The following DMWD variants were observed in gnomAD, a reference collection of about 807,000 sequenced individuals.
The protein encoded by DMWD is dystrophia myotonica WD repeat-containing protein.
A neutral mutation model predicts 45.8 loss-of-function variants in DMWD; 19 were observed. The ratio of observed to expected loss-of-function variants is 0.41; its 90% confidence interval spans 0.29 to 0.61. The LOEUF (loss-of-function observed/expected upper bound fraction) is 0.61. DMWD is among the 20% of genes least tolerant of loss of function. DMWD has a pLI of 0.25. For synonymous variants in DMWD, 515 were observed against 440.5 expected (o/e 1.17, Z -2.12); for missense variants, 802 against 965.2 (o/e 0.83, Z 2.24).
At chr19:45,785,485 C>T in intron 3 of DMWD, 109 bp downstream of exon 3, 1 of 1,404,916 alleles carries the variant, frequency 7.1e-7, no homozygotes, top group Non-Finnish European at 9.2e-7. Context: ...CCCCTCACCC[C>T]ACGGAGCCAG....
In DMWD at chr19:45,791,065, A is replaced by G; in HGVS notation, c.464T>C (p.Ile155Thr). Residue 155 changes from isoleucine (I) to threonine (T), a missense_variant, in exon 2 of 5, where the codon ATT (isoleucine) becomes ACT (threonine). Physicochemically the swap from Ile to Thr is moderately conservative, Grantham distance 89. Transcript: ENST00000270223. ...GGTGCCCTTGTAGATCCGCTTGTCA[A>G]TTGGCTTGTTGAGGTCAATGGACTT... ...SQRSIDLNKP[I>T]DKRIYKGTQP... is the part of the protein sequence containing the mutation. The G allele has an allele frequency of 6.2e-7, 1 of 1,612,060 alleles. No homozygotes were observed. The highest frequency in any genetic ancestry group is 8.5e-7 in the Non-Finnish European group (1 of 1,178,806).
At position 45,785,682 on chromosome 19, in the gene DMWD, C is replaced by T. The variant is rs755420525; in HGVS notation, c.1814G>A (p.Arg605Gln). ...CTCCAGGAACAGGAGGACTGTGAGC[C>T]GCTCCTGGGCGATCTTCTTGCACAC... ...PLVCKKIAQERLTVLLFLEDC... is the reference protein window; with the variant it reads ...PLVCKKIAQEQLTVLLFLEDC... Residue 605 changes from arginine to glutamine, a missense_variant, in exon 3 of 5, where the codon CGG (arginine) becomes CAG (glutamine). Physicochemically the swap from Arg to Gln is conservative, Grantham distance 43. Transcript: ENST00000270223. 1.6e-5 allele frequency: 25 copies of T among 1,595,432 alleles called. No individual in the cohort carries two copies. The Admixed American group carries it at 2.9e-4, about 18-fold the overall frequency.
intron 3 of DMWD, 75 bp downstream of exon 3, chr19:45,785,517 CCT>C (rs747793318): frequency 1.8e-5 from 26 of 1,423,844 alleles, no homozygotes; most frequent in Non-Finnish European, 2.2e-5. Flanking sequence ...GCAACAAAGC[CCT>C]CTCTCTGCCA....
chr19:45,786,528 T>A lies in DMWD; in HGVS notation c.968A>T (p.Lys323Met), dbSNP rs760014095. The change falls in exon 3 of 5, where the codon AAG becomes ATG. Residue 323 changes from lysine (K) to methionine (M), a missense_variant. Around this residue, in one of 9 missense-constraint regions of DMWD, gnomAD observed 146 missense variants for 212.8 expected, o/e 0.69. Transcript: ENST00000270223. ...FDSMLLRGLM[K>M]SYFGGLLCVC... ...ACACAGCAGGCCCCCAAAGTAGCTC[T>A]TCATGAGCCCACGCAGGAGCATGGA... 6.2e-7 allele frequency: 1 copy of A among 1,614,028 alleles called. No homozygotes were observed. The highest frequency in any genetic ancestry group is 1.1e-5 in the South Asian group (1 of 91,086).
rs1388870958 is a variant in DMWD at position 45,783,628 on chromosome 19, G to A, written c.*615C>T. The A allele has an allele frequency of 1.0e-5, 4 of 399,138 alleles. No homozygotes were observed. Among genetic ancestry groups the A allele is most frequent in the Non-Finnish European group, 1.8e-5 (4 of 226,504 alleles). 24.7% of individuals were successfully genotyped at this position (399,138 alleles called of 1,614,324 possible). Reference sequence around the variant, plus strand: ...AAAGGGGTGGGAGGCGCTGGGCTGGGAGCAGGCCTGCACTCCTCCTCTGGG... The same window carrying A: ...AAAGGGGTGGGAGGCGCTGGGCTGGAAGCAGGCCTGCACTCCTCCTCTGGG... On this transcript the variant is annotated 3_prime_UTR_variant, in exon 5 of 5. Transcript: ENST00000270223.
chr19:45,786,307 T>C lies in DMWD; in HGVS notation c.1189A>G (p.Ser397Gly). The change falls in exon 3 of 5, where the codon AGC becomes GGC. Residue 397 changes from serine (S) to glycine (G), a missense_variant. This residue lies in a region of DMWD where 67 missense variants were observed against 57.9 expected (regional missense o/e 1.16). Coordinates refer to ENST00000270223, the MANE Select transcript of DMWD (RefSeq NM_004943.2). ...GGCTCCTCCTCCTCCTCTTCGCCGC[T>C]CCGCTCCCCATCAGCACCGGCTGCT... is the stretch of plus-strand genomic sequence containing the variant. ...ATAAGADGER[S>G]GEEEEEEPEA... 1 of 1,606,456 alleles carries C rather than the reference T, an allele frequency of 6.2e-7. No individual in the cohort carries two copies. Among genetic ancestry groups the C allele is most frequent in the Non-Finnish European group, 8.5e-7 (1 of 1,175,004 alleles).
At position 45,783,382 on chromosome 19, in the gene DMWD, G is replaced by A; in HGVS notation, c.*861C>T. On this transcript the variant is annotated 3_prime_UTR_variant, in exon 5 of 5. Transcript: ENST00000270223. ...GAGAGGGCCAGGCCTGAGAAACTAG[G>A]AGGCAAGGACCGAGGAGTCCCAGCT... is the stretch of plus-strand genomic sequence containing the variant. 5.1e-6 allele frequency: 2 copies of A among 392,478 alleles called. No homozygotes were observed. The highest frequency in any genetic ancestry group is 9.0e-6 in the Non-Finnish European group (2 of 222,622). 24.3% of individuals were successfully genotyped at this position (392,478 alleles called of 1,614,324 possible).
intron 2 of DMWD, 45 bp downstream of exon 2, chr19:45,790,860 A>G: frequency 6.4e-7 from 1 of 1,566,430 alleles, no homozygotes. Context: ...TATAGTGGGT[A>G]GGTGAGAAGG....
rs746655884 is a variant in DMWD at position 45,786,093 on chromosome 19, G to A, written c.1403C>T (p.Thr468Ile). Residue 468 changes from threonine to isoleucine, a missense_variant, in exon 3 of 5, where the codon ACC becomes ATC. Around this residue, in one of 9 missense-constraint regions of DMWD, gnomAD observed 303 missense variants for 332.9 expected, o/e 0.91. Transcript: ENST00000270223. ...CGAGCTGCTGGCGGCCGGTGGCGTG[G>A]TGCCAGGTGTGCCAGGGAGGGTGCG... Reference protein sequence around the residue: ...RTRTLPGTPGTTPPAASSSRG... With the variant: ...RTRTLPGTPGITPPAASSSRG... 1.3e-6 allele frequency: 2 copies of A among 1,519,886 alleles called. No individual in the cohort carries two copies. The highest frequency in any genetic ancestry group is 2.5e-5 in the South Asian group (2 of 78,466). The allele number at this position is 1,519,886 out of a possible 1,614,324, so 94.1% of individuals were successfully genotyped here.
intron 2 of DMWD, chr19:45,787,271 TAC>T (rs1970293100): frequency 3.7e-6 from 1 of 272,200 alleles, no homozygotes; most frequent in African/African-American, 2.2e-5. Flanking sequence ...GAGCAGGCAT[TAC>T]AGCCTGAGCC....
chr19:45,784,444 T>A, intron 4 of DMWD, 154 bp from the exon 5 acceptor site: 1 of 1,256,286 alleles, frequency 8.0e-7, no homozygotes, highest in Non-Finnish European at 1.1e-6. Context: ...GCCACTGCTC[T>A]AGGCTGGGAA....
chr19:45,790,827 C>A (rs986765195), intron 2 of DMWD, 78 bp downstream of exon 2: 1 of 1,505,948 alleles, frequency 6.6e-7, no homozygotes, highest in Non-Finnish European at 9.0e-7. Context: ...CACTGTTCCG[C>A]AGGCAGCTGC....
chr19:45,784,784 A>G (rs973223886), intron 3 of DMWD, 69 bp from the exon 4 acceptor site: 7 of 1,576,508 alleles, frequency 4.4e-6, no homozygotes, highest in African/African-American at 2.7e-5. Flanking sequence ...CTTGCCTCTG[A>G]GTCACTCAGA....
intron 2 of DMWD, among the ~76,000 whole-genome samples, chr19:45,787,566 C>T (rs1320626856): frequency 6.6e-6 from 1 of 152,180 alleles, no homozygotes; most frequent in Non-Finnish European, 1.5e-5. Context: ...AATTTCTTCA[C>T]GGAAAGGCAG....
chr19:45,785,816 ACCACTG>A lies in DMWD; in HGVS notation c.1674_1679del (p.Ser559_Gly560del), dbSNP rs1568591835. The A allele has an allele frequency of 1.2e-6, 2 of 1,611,250 alleles. No individual in the cohort carries two copies. The highest frequency in any genetic ancestry group is 1.7e-6 in the Non-Finnish European group (2 of 1,179,638). On this transcript the variant is annotated inframe_deletion, in exon 3 of 5. Coordinates refer to ENST00000270223, the MANE Select transcript of DMWD (RefSeq NM_004943.2). Reference sequence around the variant, plus strand: ...GAACAGGGCCGCTGGGCTTCTCCCCACCACTGCCACTGCCGCCACTGCCACCCCGGC... The same window carrying A: ...GAACAGGGCCGCTGGGCTTCTCCCCACCACTGCCGCCACTGCCACCCCGGC...
At position 45,783,914 on chromosome 19, in the gene DMWD, TG is replaced by T; in HGVS notation, c.*328del. ...TCAACTGAGGGGCACACTGCAGACC[TG>T]GGGCTCTTGTGGCAGGGGCGGGGAG... On this transcript the variant is annotated 3_prime_UTR_variant, in exon 5 of 5. Coordinates refer to ENST00000270223, the MANE Select transcript of DMWD (RefSeq NM_004943.2). 1 of 534,796 alleles carries T rather than the reference TG, an allele frequency of 1.9e-6. No homozygotes were observed. 33.1% of individuals were successfully genotyped at this position (534,796 alleles called of 1,614,324 possible).
chr19:45,792,033 C>T (rs796949315), intron 1 of DMWD, among the ~76,000 whole-genome samples: 2 of 152,284 alleles, frequency 1.3e-5, no homozygotes, highest in African/African-American at 4.8e-5. Context: ...CCCACCTCAT[C>T]TCAGATACCC....
rs201049136 is a variant in DMWD, at chr19:45,786,748, C to T, written c.748G>A (p.Ala250Thr). 45 of 1,613,964 alleles carry T rather than the reference C, an allele frequency of 2.8e-5. No homozygotes were observed. Among genetic ancestry groups the T allele is most frequent in the Non-Finnish European group, 4.2e-6 (5 of 1,180,002 alleles). The stretch of plus-strand genomic sequence containing the variant: ...TTCAGCAGGCTGTACTGGGGCGGGG[C>T]CGAGGCGCAGGGGTGGCTGACGTTG... The part of the protein sequence containing the change: ...LYNVSHPCAS[A>T]PPQYSLLKQG... Residue 250 changes from alanine (A) to threonine (T), a missense_variant, in exon 3 of 5, where the codon GCC becomes ACC. Ala to Thr is a moderately conservative substitution (Grantham distance 58, BLOSUM62 0). Coordinates refer to ENST00000270223, the MANE Select transcript of DMWD (RefSeq NM_004943.2).
At position 45,784,187 on chromosome 19, in the gene DMWD, G is replaced by C. The variant is rs1321415728; in HGVS notation, c.*56C>G. The C allele has an allele frequency of 6.8e-7, 1 of 1,464,256 alleles. No homozygotes were observed. The highest frequency in any genetic ancestry group is 9.5e-7 in the Non-Finnish European group (1 of 1,051,374). The allele number at this position is 1,464,256 out of a possible 1,614,324, so 90.7% of individuals were successfully genotyped here. On this transcript the variant is annotated 3_prime_UTR_variant, in exon 5 of 5. Coordinates refer to ENST00000270223, the MANE Select transcript of DMWD (RefSeq NM_004943.2). ...CGTTGATCTGTGAGGTCAGCAGGGA[G>C]GGTTATGGCTAGGAGGCTGGGGGCA...
Sources: allele counts gnomAD v4.1 joint callset (sites outside exome capture counted in the v4.1 genomes callset), GRCh38; gene constraint gnomAD v4.1.1; regional missense constraint gnomAD v4.1.1; transcripts MANE v1.5; gene names NCBI Gene and HGNC (gene_info 2026-07-23, HGNC 2026-07-21).